The following HEATR5B variants were observed in gnomAD, a reference collection of about 807,000 sequenced individuals.
HEATR5B encodes HEAT repeat containing 5B, also known as HEAT repeat-containing protein 5B.
A neutral mutation model predicts 224.1 loss-of-function variants in HEATR5B; 156 were observed. The ratio of observed to expected loss-of-function variants is 0.70; its 90% CI spans 0.61 to 0.80. The LOEUF is 0.80. Among genes scored for constraint, HEATR5B ranks in the 30% least tolerant of loss-of-function variants. HEATR5B has a pLI of 0.00. For synonymous variants in HEATR5B, 1,027 were observed against 893.0 expected (o/e 1.15, Z -2.68); for missense variants, 2,323 against 2,535.5 (o/e 0.92, Z 1.80).
At chr2:37,066,031 G>C (rs1671568320) in intron 8 of HEATR5B, 121 bp from the exon 9 acceptor site, 1 of 766,956 alleles carries the variant, frequency 1.3e-6, no homozygotes, top group South Asian at 2.2e-5. Flanking sequence ...AAACTATGCA[G>C]TTATTTCTCA....
Position 37,049,736 on chromosome 2 carries a change from T to C in HEATR5B, c.2613A>G (p.Ala871=). 6.2e-7 allele frequency: 1 copy of C among 1,613,720 alleles called. No homozygotes were observed. The highest frequency in any genetic ancestry group is 8.5e-7 in the Non-Finnish European group (1 of 1,179,968). The change falls in exon 18 of 36, where the codon GCA becomes GCG. Residue 871 remains alanine, a synonymous_variant. Transcript: ENST00000233099. ...LDNPNPILRC[A]AGEALGRMAQ... is the part of the protein sequence containing the mutation. ...CCATTCTTCCAAGAGCTTCCCCCGCTGCACAACGTAAGATGGGGTTTGGGT... is the reference window on the plus strand; with the variant it reads ...CCATTCTTCCAAGAGCTTCCCCCGCCGCACAACGTAAGATGGGGTTTGGGT...
intron 33 of HEATR5B, among the ~76,000 whole-genome samples, chr2:36,993,783 T>C (rs1043196814): frequency 1.3e-5 from 2 of 151,990 alleles, no homozygotes; most frequent in Admixed American, 6.6e-5. Context: ...ACATTACTTA[T>C]GCAGTATTCC....
At chr2:37,008,501 A>C (rs754176505) in intron 28 of HEATR5B, 110 bp downstream of exon 28, 7 of 765,672 alleles carry the variant, frequency 9.1e-6, no homozygotes, top group Non-Finnish European at 1.6e-5. Flanking sequence ...TAAGCCACAG[A>C]AATTTAAACT....
intron 21 of HEATR5B, among the ~76,000 whole-genome samples, chr2:37,035,771 A>T (rs1002232643): frequency 2.6e-5 from 4 of 152,112 alleles, no homozygotes; most frequent in Non-Finnish European, 5.9e-5. Context: ...TCTGTTTTCC[A>T]TATAAATGCA....
intron 21 of HEATR5B, among the ~76,000 whole-genome samples, chr2:37,034,480 G>A (rs1669346370): frequency 6.9e-6 from 1 of 144,414 alleles, no homozygotes; most frequent in Non-Finnish European, 1.5e-5. Flanking sequence ...GGGCGTAGTG[G>A]CGGGCGCCTG....
chr2:36,999,091 T>C (rs1283783960), intron 33 of HEATR5B, among the ~76,000 whole-genome samples: 1 of 151,852 alleles, frequency 6.6e-6, no homozygotes, highest in Non-Finnish European at 1.5e-5. Context: ...TGCGTGCCTG[T>C]AATCCCAGCT....
At chr2:37,055,087 G>A in intron 16 of HEATR5B, 1 of 414,544 alleles carries the variant, frequency 2.4e-6, no homozygotes, top group Non-Finnish European at 5.0e-6. Flanking sequence ...AGTACCTTTT[G>A]TGCACTAAGA....
Position 37,037,791 on chromosome 2 carries a change from A to T in HEATR5B, c.3216+64T>A, listed in dbSNP as rs189481703. The T allele has an allele frequency of 1.0e-5, 13 of 1,259,170 alleles. No homozygotes were observed. In the Admixed American group the frequency reaches 1.5e-4, roughly 14 times the overall value. 78.0% of individuals were successfully genotyped at this position (1,259,170 alleles called of 1,614,324 possible). On this transcript the variant is annotated intron_variant, in intron 21 of 35. Transcript: ENST00000233099. Reference sequence around the variant, plus strand: ...ATATAGCTAGTATGTATCCATAAAAAATTTTTTAAATGTAAAATAAAATAC... The same window carrying T: ...ATATAGCTAGTATGTATCCATAAAATATTTTTTAAATGTAAAATAAAATAC...
At chr2:37,081,811 C>A (rs561783564) in intron 2 of HEATR5B, among the ~76,000 whole-genome samples, 1 of 152,176 alleles carries the variant, frequency 6.6e-6, no homozygotes, top group South Asian at 2.1e-4. Flanking sequence ...AGTCCCCAGT[C>A]TTCTCCCACA....
In HEATR5B at chr2:36,981,100, CTTGT is replaced by C. The variant is rs1665552322; in HGVS notation, c.*386_*389del. On this transcript the variant is annotated 3_prime_UTR_variant, in exon 36 of 36. Coordinates refer to ENST00000233099, the MANE Select transcript of HEATR5B (RefSeq NM_019024.3). ...TGATTACTTCAAAATTTAAAATCTGCTTGTTTTTCAATTGATTTTTTTCATGACA... is the reference window on the plus strand; with the variant it reads ...TGATTACTTCAAAATTTAAAATCTGCTTTTCAATTGATTTTTTTCATGACA... 6.3e-6 allele frequency: 1 copy of C among 158,342 alleles called. No individual in the cohort carries two copies. Among genetic ancestry groups the C allele is most frequent in the African/African-American group, 2.4e-5 (1 of 41,648 alleles). 9.8% of individuals were successfully genotyped at this position (158,342 alleles called of 1,614,324 possible). A position where few individuals can be genotyped will look rare whatever the true frequency, so the allele number is the denominator to read the frequency against.
At position 37,008,641 on chromosome 2, in the gene HEATR5B, C is replaced by T. The variant is rs1259611369; in HGVS notation, c.4492G>A (p.Ala1498Thr). 1 of 1,613,872 alleles carries T rather than the reference C, an allele frequency of 6.2e-7. No homozygotes were observed. The highest frequency in any genetic ancestry group is 8.5e-7 in the Non-Finnish European group (1 of 1,179,904). ...GGAGGAAGCTGACTAGAAAATTCGG[C>T]TGGTAAAGTCAAGAGTGCATAATCT... ...LKDYALLTLP[A>T]EFSSQLPPDG... Residue 1498 changes from alanine to threonine, a missense_variant, in exon 28 of 36, where the codon GCC becomes ACC. Coordinates refer to ENST00000233099, the MANE Select transcript of HEATR5B (RefSeq NM_019024.3).
At position 37,000,663 on chromosome 2, in the gene HEATR5B, G is replaced by C. The variant is rs1375547077; in HGVS notation, c.5468C>G (p.Thr1823Ser). ...KSIVTLSMAKTEAGVQKQWTA... is the reference protein window; with the variant it reads ...KSIVTLSMAKSEAGVQKQWTA... Reference sequence around the variant, plus strand: ...CCACTGTTTTTGAACGCCAGCCTCAGTTTTGGCCATTGAAAGTGTCACAAT... The same window carrying C: ...CCACTGTTTTTGAACGCCAGCCTCACTTTTGGCCATTGAAAGTGTCACAAT... Residue 1823 changes from threonine to serine, a missense_variant, in exon 33 of 36, where the codon ACT (threonine) becomes AGT (serine). This residue lies in a region of HEATR5B where 844 missense variants were observed against 812.9 expected (regional missense o/e 1.04). Transcript: ENST00000233099. 2.5e-6 allele frequency: 4 copies of C among 1,614,096 alleles called. No individual in the cohort carries two copies. Among genetic ancestry groups the C allele is most frequent in the Non-Finnish European group, 3.4e-6 (4 of 1,180,044 alleles).
chr2:37,048,089 C>T (rs910209984), intron 18 of HEATR5B, among the ~76,000 whole-genome samples: 1 of 151,600 alleles, frequency 6.6e-6, no homozygotes, highest in Non-Finnish European at 1.5e-5. Flanking sequence ...ATGATACTTG[C>T]AAACAACTAA....
At chr2:37,047,161 C>T (rs1572883013) in intron 18 of HEATR5B, among the ~76,000 whole-genome samples, 2 of 148,838 alleles carry the variant, frequency 1.3e-5, no homozygotes, top group East Asian at 2.0e-4. Flanking sequence ...CTGGGCAACA[C>T]AGCAGGATCC....
chr2:37,057,428 G>T lies in HEATR5B; in HGVS notation c.2112C>A (p.Asp704Glu), dbSNP rs1353718667. ...GGGAAGTAGTTGTGTTGGCTGAGTTGTCAGTCAAAGTGAATTCCGCTACCA... is the reference window on the plus strand; with the variant it reads ...GGGAAGTAGTTGTGTTGGCTGAGTTTTCAGTCAAAGTGAATTCCGCTACCA... ...RELVAEFTLTDNSANTTTSLL... is the reference protein window; with the variant it reads ...RELVAEFTLTENSANTTTSLL... The change falls in exon 15 of 36, where the codon GAC becomes GAA. Residue 704 changes from aspartate (D) to glutamate (E), a missense_variant. Physicochemically the swap from Asp to Glu is conservative, Grantham distance 45. Coordinates refer to ENST00000233099, the MANE Select transcript of HEATR5B (RefSeq NM_019024.3). 6.2e-7 allele frequency: 1 copy of T among 1,610,842 alleles called. No individual in the cohort carries two copies. Among genetic ancestry groups the T allele is most frequent in the South Asian group, 1.1e-5 (1 of 90,472 alleles).
Position 37,008,650 on chromosome 2 carries a change from T to G in HEATR5B, c.4483A>C (p.Thr1495Pro), listed in dbSNP as rs1193603550. ...LAALKDYALL[T>P]LPAEFSSQLP... Reference sequence around the variant, plus strand: ...TGACTAGAAAATTCGGCTGGTAAAGTCAAGAGTGCATAATCTTTTAATGCT... The same window carrying G: ...TGACTAGAAAATTCGGCTGGTAAAGGCAAGAGTGCATAATCTTTTAATGCT... The change falls in exon 28 of 36, where the codon ACT becomes CCT. Residue 1495 changes from threonine (T) to proline (P), a missense_variant. Coordinates refer to ENST00000233099, the MANE Select transcript of HEATR5B (RefSeq NM_019024.3). The G allele has an allele frequency of 6.2e-7, 1 of 1,614,132 alleles. No homozygotes were observed. Among genetic ancestry groups the G allele is most frequent in the Non-Finnish European group, 8.5e-7 (1 of 1,180,002 alleles).
At chr2:37,019,992 C>T in intron 25 of HEATR5B, 115 bp from the exon 26 acceptor site, 1 of 654,548 alleles carries the variant, frequency 1.5e-6, no homozygotes, top group Non-Finnish European at 2.6e-6. Context: ...CAACCTCTGC[C>T]TCGTAGGCTC....
At chr2:37,027,726 T>C (rs766545497) in intron 24 of HEATR5B, among the ~76,000 whole-genome samples, 197 bp downstream of exon 24, 29 of 152,324 alleles carry the variant, frequency 1.9e-4, no homozygotes, top group South Asian at 1.5e-3. Context: ...TTCTTCAACT[T>C]ATCTTCCCAA....
chr2:37,000,892 G>T (rs567458071), intron 32 of HEATR5B, 79 bp from the exon 33 acceptor site: 3 of 951,248 alleles, frequency 3.2e-6, no homozygotes, highest in Middle Eastern at 2.4e-4. Flanking sequence ...TGTATTTTTT[G>T]CATTTGATTG....
Sources: gnomAD v4.1 joint callset for allele counts (sites outside exome capture counted in the v4.1 genomes callset) on GRCh38, gnomAD v4.1.1 for gene constraint, gnomAD v4.1.1 regional missense constraint, MANE v1.5 for transcripts, NCBI Gene and HGNC (gene_info 2026-07-23, HGNC 2026-07-21) for gene names.